Variants in ANK3 observed in about 807,000 individuals in gnomAD.
The protein encoded by ANK3 is ankyrin-3.
Under a neutral mutation model 370.9 loss-of-function variants are expected in ANK3, and 57 were observed. The observed-to-expected ratio is 0.15, with a 90% CI of 0.12 to 0.19. The LOEUF is 0.19. Among genes scored for constraint, ANK3 ranks in the 10% least tolerant of loss-of-function variants. ANK3 has a pLI of 1.00. For synonymous variants in ANK3, 1,929 were observed against 1,946.3 expected (o/e 0.99, Z 0.23); for missense variants, 4,439 against 5,302.1 (o/e 0.84, Z 5.06).
At chr10:60,489,822 T>C (rs2075447150) in intron 2 of ANK3, among the ~76,000 whole-genome samples, 1 of 152,212 alleles carries the variant, frequency 6.6e-6, no homozygotes, top group Admixed American at 6.5e-5. Context: ...ATGAACATCC[T>C]AAGAACAAAC....
At chr10:60,603,609 A>G (rs1341600952) in intron 2 of ANK3, among the ~76,000 whole-genome samples, 1 of 152,184 alleles carries the variant, frequency 6.6e-6, no homozygotes, top group Non-Finnish European at 1.5e-5. Context: ...AAGCATTAAA[A>G]TTAGAGATTA....
At chr10:60,039,480 G>A (rs1445743152) in intron 43 of ANK3, among the ~76,000 whole-genome samples, 1 of 152,178 alleles carries the variant, frequency 6.6e-6, no homozygotes, top group African/African-American at 2.4e-5. Flanking sequence ...AAAAAACTAT[G>A]AGTCCTTTCA....
At position 60,404,785 on chromosome 10, in the gene ANK3, C is replaced by T. The variant is rs965479262; in HGVS notation, c.97-125146G>A. ...CACTGTTAAGAAAATGAATAGGCCACGAGTGGAAGAAAATATTTTCAAGAA... is the reference window on the plus strand; with the variant it reads ...CACTGTTAAGAAAATGAATAGGCCATGAGTGGAAGAAAATATTTTCAAGAA... On this transcript the variant is annotated intron_variant, in intron 2 of 43. Coordinates refer to the ANK3 transcript ENST00000373827. Among the ~76,000 whole-genome samples, 9 of 152,028 alleles carry T rather than the reference C, an allele frequency of 5.9e-5. No homozygotes were observed. The South Asian group carries it at 6.2e-4, about 11-fold the overall frequency.
chr10:60,666,810 A>C (rs1361638223), intron 1 of ANK3, among the ~76,000 whole-genome samples: 1 of 152,182 alleles, frequency 6.6e-6, no homozygotes, highest in African/African-American at 2.4e-5. Context: ...GGGTGCCTAA[A>C]ACTGCACATA....
At position 60,139,071 on chromosome 10, in the gene ANK3, G is replaced by C. The variant is rs375051707; in HGVS notation, c.2631C>G (p.Thr877=). The C allele has an allele frequency of 1.2e-6, 2 of 1,613,428 alleles. No individual in the cohort carries two copies. Among genetic ancestry groups the C allele is most frequent in the South Asian group, 2.2e-5 (2 of 91,028 alleles). ...SDVEEGEDAM[T]GDTDKYLGPQ... ...GCCCAAGATATTTGTCTGTGTCCCC[G>C]GTCATTGCATCTTCACCTGCAGATG... Residue 877 remains threonine, a synonymous_variant, in exon 24 of 44, where the codon ACC becomes ACG. Transcript: ENST00000280772.
intron 8 of ANK3, among the ~76,000 whole-genome samples, chr10:60,227,156 A>G (rs191667529): frequency 6.6e-6 from 1 of 152,092 alleles, no homozygotes. Context: ...TTATGTAAAT[A>G]TAATTTTTAG....
Position 60,072,926 on chromosome 10 carries a change from T to G in ANK3, c.7955A>C (p.His2652Pro). The G allele has an allele frequency of 6.2e-7, 1 of 1,614,082 alleles. No individual in the cohort carries two copies. Among genetic ancestry groups the G allele is most frequent in the Non-Finnish European group, 8.5e-7 (1 of 1,179,994 alleles). The change falls in exon 37 of 44, where the codon CAT (histidine) becomes CCT (proline). Residue 2652 changes from histidine (H) to proline (P), a missense_variant. Physicochemically the swap from His to Pro is moderately conservative, Grantham distance 77. Coordinates refer to ENST00000280772, the MANE Select transcript of ANK3 (RefSeq NM_020987.5). ...SNDEWVKARQ[H>P]GPDGQGFPKA... ...GGGGAAGCCTTGTCCATCAGGGCCATGCTGTCTTGCCTTAACCCACTCATC... is the reference window on the plus strand; with the variant it reads ...GGGGAAGCCTTGTCCATCAGGGCCAGGCTGTCTTGCCTTAACCCACTCATC...
chr10:60,381,271 T>C lies in ANK3; in HGVS notation c.114+8154A>G, dbSNP rs577427566. Among the ~76,000 whole-genome samples the C allele has an allele frequency of 7.2e-5, 11 of 152,334 alleles. No homozygotes were observed. The South Asian group carries it at 2.3e-3, about 32-fold the overall frequency. On this transcript the variant is annotated intron_variant, in intron 1 of 43. Coordinates refer to ENST00000280772, the MANE Select transcript of ANK3 (RefSeq NM_020987.5). ...GAATGTGCAAAATAAAGTTCATTTA[T>C]TAAAGGAATCATTTGATACTTCCTC...
chr10:60,410,439 G>T lies in ANK3; in HGVS notation c.97-130800C>A, dbSNP rs541502073. On this transcript the variant is annotated intron_variant, in intron 2 of 43. Transcript: ENST00000373827. ...AGCTTAGAGTGTTTGATACTTAATA[G>T]GTGGTTCTCCTTAAATATTTGTTGG... is the stretch of plus-strand genomic sequence containing the variant. Among the ~76,000 whole-genome samples, 9 of 152,270 alleles carry T rather than the reference G, an allele frequency of 5.9e-5. No homozygotes were observed. In the South Asian group the frequency reaches 1.0e-3, roughly 18 times the overall value.
chr10:60,449,781 G>A (rs1241254129), intron 2 of ANK3, among the ~76,000 whole-genome samples: 1 of 152,114 alleles, frequency 6.6e-6, no homozygotes, highest in African/African-American at 2.4e-5. Flanking sequence ...TGGATTAGGT[G>A]CTCTGAGAAA....
At chr10:60,638,172 ATGAGG>A (rs1360441252) in intron 1 of ANK3, among the ~76,000 whole-genome samples, 1 of 152,222 alleles carries the variant, frequency 6.6e-6, no homozygotes, top group South Asian at 2.1e-4. Context: ...GTGAAACTCC[ATGAGG>A]TAGAAGAAAG....
At chr10:60,061,444 T>C (rs1409336215) in intron 40 of ANK3, among the ~76,000 whole-genome samples, 1 of 152,240 alleles carries the variant, frequency 6.6e-6, no homozygotes, top group Non-Finnish European at 1.5e-5. Context: ...GTTCTGGTGA[T>C]CTTTTTTATT....
chr10:60,656,156 G>T (rs1201736723), intron 1 of ANK3, among the ~76,000 whole-genome samples: 2 of 152,106 alleles, frequency 1.3e-5, no homozygotes, highest in Non-Finnish European at 2.9e-5. Context: ...TTTGTGGAAA[G>T]GTTTTTACGA....
chr10:60,428,510 C>T (rs1006918258), intron 2 of ANK3, among the ~76,000 whole-genome samples: 1 of 152,192 alleles, frequency 6.6e-6, no homozygotes, highest in Non-Finnish European at 1.5e-5. Flanking sequence ...TTGATTGCTT[C>T]ATCACTACAC....
intron 2 of ANK3, among the ~76,000 whole-genome samples, chr10:60,493,729 C>T (rs560499025): frequency 6.1e-4 from 92 of 151,762 alleles, no homozygotes; most frequent in Middle Eastern, 3.4e-3. Context: ...AGCCAACCCC[C>T]CAAAATGGGT....
At chr10:60,505,353 T>C (rs1487801375) in intron 2 of ANK3, among the ~76,000 whole-genome samples, 2 of 152,066 alleles carry the variant, frequency 1.3e-5, no homozygotes, top group African/African-American at 4.8e-5. Context: ...GTTGACATTT[T>C]ACTTGCAGAC....
At chr10:60,114,402 A>T in intron 25 of ANK3, 71 bp from the exon 26 acceptor site, 14 of 689,296 alleles carry the variant, frequency 2.0e-5, no homozygotes, top group South Asian at 6.8e-5. Flanking sequence ...CACATATAAA[A>T]TATATTTGTA....
At chr10:60,258,140 T>C (rs544726726) in intron 7 of ANK3, among the ~76,000 whole-genome samples, 14 of 152,248 alleles carry the variant, frequency 9.2e-5, no homozygotes, top group Non-Finnish European at 1.9e-4. Context: ...ATGTTTTAGT[T>C]ACATTCTCTT....
chr10:60,608,980 T>G (rs188354386), intron 2 of ANK3, among the ~76,000 whole-genome samples: 8 of 152,304 alleles, frequency 5.3e-5, no homozygotes, highest in Admixed American at 2.6e-4. Context: ...TAAGCCCTCA[T>G]GATTTTCTAT....
Sources: gnomAD v4.1 joint callset for allele counts (sites outside exome capture counted in the v4.1 genomes callset) on GRCh38, gnomAD v4.1.1 for gene constraint, MANE v1.5 for transcripts, NCBI Gene and HGNC (gene_info 2026-07-23, HGNC 2026-07-21) for gene names.